Variants in CHD1 observed in about 807,000 individuals in gnomAD.
CHD1 encodes ATP-dependent chromatin remodeler CHD1.
CHD1 carries 36 observed loss-of-function variants against 224.2 expected under a neutral mutation model. The ratio of observed to expected loss-of-function variants is 0.16; its 90% CI spans 0.12 to 0.21. The LOEUF (loss-of-function observed/expected upper bound fraction) is 0.21, where lower values mean the gene tolerates loss of function less well. Ranked by LOEUF, CHD1 falls within the 10% of genes least tolerant of loss-of-function variation. CHD1 has a pLI of 1.00. For missense variants in CHD1, 1,378 were observed against 1,994.8 expected (o/e 0.69, Z 5.89); for synonymous variants, 668 against 658.3 (o/e 1.01, Z -0.23).
chr5:98,911,146 A>AATATATATATATAT (rs1158932549), intron 2 of CHD1, among the ~76,000 whole-genome samples: 44 of 39,106 alleles, frequency 1.1e-3, no homozygotes, highest in African/African-American at 2.8e-3. Flanking sequence ...AAAAAAAAAA[A>AATATATATATATAT]ATATATATAT....
In CHD1 at chr5:98,900,827, C is replaced by T; in HGVS notation, c.843G>A (p.Arg281=). Residue 281 remains arginine, a synonymous_variant, in exon 7 of 36, where the codon CGG becomes CGA. Coordinates refer to ENST00000614616, the MANE Select transcript of CHD1 (RefSeq NM_001270.4). ...AAAAACTACCTCCTTTTCTCCCAAT[C>T]CGACAATCCATAAATCTTTCTATGG... ...FETIERFMDC[R]IGRKGATGAT... 1.2e-6 allele frequency: 2 copies of T among 1,608,290 alleles called. No homozygotes were observed. Among genetic ancestry groups the T allele is most frequent in the Non-Finnish European group, 1.7e-6 (2 of 1,178,470 alleles).
chr5:98,886,561 G>C (rs752631644), intron 17 of CHD1, among the ~76,000 whole-genome samples: 5 of 152,002 alleles, frequency 3.3e-5, no homozygotes, highest in Non-Finnish European at 7.4e-5. Context: ...TTTAACCGAC[G>C]AATTAAACTA....
intron 34 of CHD1, 30 bp from the exon 35 acceptor site, chr5:98,858,420 A>G: frequency 3.2e-6 from 5 of 1,563,964 alleles, no homozygotes; most frequent in Non-Finnish European, 4.4e-6. Flanking sequence ...TTTATTAATG[A>G]CCTTAAAAAT....
chr5:98,888,851 T>C (rs1750822337), intron 16 of CHD1, among the ~76,000 whole-genome samples: 1 of 152,228 alleles, frequency 6.6e-6, no homozygotes, highest in South Asian at 2.1e-4. Flanking sequence ...TTATAGGCCA[T>C]GGTTTGAGAG....
At chr5:98,922,079 G>A (rs1159963893) in intron 2 of CHD1, among the ~76,000 whole-genome samples, 1 of 152,102 alleles carries the variant, frequency 6.6e-6, no homozygotes, top group Non-Finnish European at 1.5e-5. Context: ...CAGAACACAG[G>A]AGACGGAGGC....
chr5:98,880,961 CA>C, intron 22 of CHD1, 114 bp downstream of exon 22: 1 of 707,516 alleles, frequency 1.4e-6, no homozygotes, highest in East Asian at 2.8e-5. Context: ...GTAGTTTTTA[CA>C]TAACACAGCA....
intron 7 of CHD1, among the ~76,000 whole-genome samples, chr5:98,899,975 C>T (rs532709575): frequency 8.5e-5 from 13 of 152,084 alleles, no homozygotes; most frequent in Non-Finnish European, 1.5e-4. Flanking sequence ...TAATTATCCA[C>T]AATATATGAA....
At position 98,854,754 on chromosome 5, in the gene CHD1, C is replaced by T. The variant is rs149526221; in HGVS notation, c.*1626G>A. ...AAAAAATACACCTATGGACAAATAT[C>T]TGTAGGTTGCTCCCACAGCTAATTA... is the stretch of plus-strand genomic sequence containing the variant. On this transcript the variant is annotated 3_prime_UTR_variant, in exon 36 of 36. Transcript: ENST00000614616. 2.5e-3 allele frequency: 384 copies of T among 152,212 alleles called. 2 individuals carry two copies. Among genetic ancestry groups the T allele is most frequent in the African/African-American group, 8.7e-3 (361 of 41,552 alleles). 9.4% of individuals were successfully genotyped at this position (152,212 alleles called of 1,614,324 possible). A position where few individuals can be genotyped will look rare whatever the true frequency, so the allele number is the denominator to read the frequency against.
chr5:98,908,839 A>G (rs1021848260), intron 2 of CHD1, among the ~76,000 whole-genome samples: 30 of 152,254 alleles, frequency 2.0e-4, no homozygotes, highest in African/African-American at 7.0e-4. Context: ...TCTTTTCCTC[A>G]ATTCACGAAA....
In CHD1 at chr5:98,881,510, T is replaced by A. The variant is rs541670027; in HGVS notation, c.2868-135A>T. The A allele has an allele frequency of 1.2e-4, 63 of 518,982 alleles. No individual in the cohort carries two copies. The African/African-American group carries it at 1.2e-3, about 10-fold the overall frequency. The allele number at this position is 518,982 out of a possible 1,614,324, so 32.1% of individuals were successfully genotyped here. On this transcript the variant is annotated intron_variant, in intron 20 of 35. Transcript: ENST00000614616. Reference sequence around the variant, plus strand: ...AAGTTAGACAAATCAAGTATTAGAATCCTTTTTTTTTTTTTTGGAGACAGT... The same window carrying A: ...AAGTTAGACAAATCAAGTATTAGAAACCTTTTTTTTTTTTTTGGAGACAGT...
At position 98,901,300 on chromosome 5, in the gene CHD1, G is replaced by C; in HGVS notation, c.473C>G (p.Ser158Cys). 6.2e-7 allele frequency: 1 copy of C among 1,612,716 alleles called. No individual in the cohort carries two copies. Among genetic ancestry groups the C allele is most frequent in the African/African-American group, 1.3e-5 (1 of 74,932 alleles). ...AGATTCTGAATCTGAACCAGACTGA[G>C]ATGGAGATCCTGACCCAGACATTTG... ...DWQMSGSGSP[S>C]QSGSDSESEE... Residue 158 changes from serine (S) to cysteine (C), a missense_variant, in exon 6 of 36, where the codon TCT becomes TGT. Transcript: ENST00000614616.
chr5:98,922,475 T>C lies in CHD1; in HGVS notation c.53+3859A>G, dbSNP rs77610858. Among the ~76,000 whole-genome samples, 1,402 of 152,278 alleles carry C rather than the reference T, an allele frequency of 9.2e-3. 16 individuals are homozygous for C. Among genetic ancestry groups the C allele is most frequent in the South Asian group, 0.026 (124 of 4,826 alleles). The stretch of plus-strand genomic sequence containing the variant: ...AGAGATCTCCAGACAGAAAGAATAG[T>C]TAAAAATTTTTTTTTTCAGTAGAAA... On this transcript the variant is annotated intron_variant, in intron 2 of 35. Transcript: ENST00000614616.
intron 3 of CHD1, among the ~76,000 whole-genome samples, chr5:98,904,509 G>A (rs940948049): frequency 4.6e-5 from 7 of 152,084 alleles, no homozygotes; most frequent in African/African-American, 1.7e-4. Flanking sequence ...AAATTATTCT[G>A]CTAGTAGCAA....
At chr5:98,927,872 T>G (rs1238096650) in intron 1 of CHD1, among the ~76,000 whole-genome samples, 2 of 152,182 alleles carry the variant, frequency 1.3e-5, no homozygotes, top group Admixed American at 1.3e-4. Flanking sequence ...CCCTGAGTTC[T>G]GAAGCTCCAA....
intron 2 of CHD1, among the ~76,000 whole-genome samples, chr5:98,926,119 TCTA>T (rs1561285820): frequency 6.6e-6 from 1 of 152,126 alleles, no homozygotes; most frequent in Non-Finnish European, 1.5e-5. Flanking sequence ...ATATTTAAGA[TCTA>T]CTGTGTATCT....
At chr5:98,883,846 TATATATATATATATA>T (rs1263085095) in intron 18 of CHD1, 25 of 34,940 alleles carry the variant, frequency 7.2e-4, no homozygotes, top group African/African-American at 1.3e-3. Flanking sequence ...TATATATATA[TATATATATATATATA>T]TTTTTTTTTT....
chr5:98,918,334 A>G (rs1752877101), intron 2 of CHD1, among the ~76,000 whole-genome samples: 1 of 151,128 alleles, frequency 6.6e-6, no homozygotes, highest in Non-Finnish European at 1.5e-5. Flanking sequence ...TGCTGGGATT[A>G]CAGATGTGAG....
chr5:98,895,099 G>C (rs1485982370), intron 12 of CHD1, among the ~76,000 whole-genome samples: 1 of 152,112 alleles, frequency 6.6e-6, no homozygotes, highest in African/African-American at 2.4e-5. Context: ...GGGATTACAG[G>C]CATGAGCCGG....
chr5:98,872,016 A>T, intron 28 of CHD1, 35 bp downstream of exon 28: 1 of 1,525,760 alleles, frequency 6.6e-7, no homozygotes, highest in Non-Finnish European at 8.9e-7. Flanking sequence ...TAAATTCAAC[A>T]TGAATGGTTA....
Sources: allele counts gnomAD v4.1 joint callset (sites outside exome capture counted in the v4.1 genomes callset), GRCh38; gene constraint gnomAD v4.1.1; transcripts MANE v1.5; gene names NCBI Gene and HGNC (gene_info 2026-07-23, HGNC 2026-07-21).